IP6K2: variants seen among roughly 807,000 people sequenced by gnomAD.
The protein encoded by IP6K2 is inositol hexakisphosphate kinase 2.
Under a neutral mutation model 43.3 loss-of-function variants are expected in IP6K2, and 9 were observed. That is an observed-to-expected ratio of 0.21 (90% CI 0.13 to 0.36). The LOEUF (loss-of-function observed/expected upper bound fraction) is 0.36, where lower values mean the gene tolerates loss of function less well. Among genes scored for constraint, IP6K2 ranks in the 10% least tolerant of loss-of-function variants. The pLI, the probability that IP6K2 is intolerant of heterozygous loss-of-function variation, is 1.00. For synonymous variants in IP6K2, 209 were observed against 202.4 expected (o/e 1.03, Z -0.28); for missense variants, 332 against 538.4 (o/e 0.62, Z 3.79).
chr3:48,694,096 A>T, intron 2 of IP6K2: 1 of 1,479,634 alleles, frequency 6.8e-7, no homozygotes, highest in South Asian at 1.4e-5. Context: ...GAGAGAGATG[A>T]CACTTCTGAG....
At chr3:48,706,422 C>T (rs1341629602) in intron 1 of IP6K2, among the ~76,000 whole-genome samples, 1 of 152,084 alleles carries the variant, frequency 6.6e-6, no homozygotes, top group African/African-American at 2.4e-5. Flanking sequence ...TGAGCTTCAG[C>T]CTGCATGACT....
At chr3:48,690,427 G>A (rs758987893) in intron 4 of IP6K2, among the ~76,000 whole-genome samples, 8 of 152,160 alleles carry the variant, frequency 5.3e-5, no homozygotes, top group South Asian at 2.1e-4. Context: ...CTTGAGCCCC[G>A]GAGTTTGAGA....
At chr3:48,714,135 CA>C (rs1401573241) in intron 1 of IP6K2, among the ~76,000 whole-genome samples, 5 of 152,250 alleles carry the variant, frequency 3.3e-5, no homozygotes, top group African/African-American at 1.2e-4. Flanking sequence ...CAAAACAAAA[CA>C]AAACAAAAAA....
chr3:48,709,560 T>C (rs1298581020), intron 1 of IP6K2, among the ~76,000 whole-genome samples: 1 of 152,126 alleles, frequency 6.6e-6, no homozygotes, highest in Non-Finnish European at 1.5e-5. Context: ...CCAGTCAGGC[T>C]GGGCGCGGTG....
At chr3:48,697,231 A>G (rs1333775453) in intron 1 of IP6K2, among the ~76,000 whole-genome samples, 1 of 151,938 alleles carries the variant, frequency 6.6e-6, no homozygotes, top group African/African-American at 2.4e-5. Flanking sequence ...CATGTTAGCC[A>G]GGATGGTCTT....
rs1413429325 is a variant in IP6K2 at position 48,715,366 on chromosome 3, C to G, written c.-131+1791G>C. On this transcript the variant is annotated intron_variant, in intron 1 of 5. Transcript: ENST00000328631. ...CAGGCTCATCCCTGTTGCCTAGATACCAGTGACATCTCAGGAGCTTACAGA... is the reference window on the plus strand; with the variant it reads ...CAGGCTCATCCCTGTTGCCTAGATAGCAGTGACATCTCAGGAGCTTACAGA... 3 of 1,536,168 alleles carry G rather than the reference C, an allele frequency of 2.0e-6. No homozygotes were observed. In the Admixed American group the frequency reaches 5.9e-5, roughly 30 times the overall value.
At chr3:48,698,883 GAGCCATGACTGAGCCACTGC>G (rs1386783790) in intron 1 of IP6K2, among the ~76,000 whole-genome samples, 1 of 152,142 alleles carries the variant, frequency 6.6e-6, no homozygotes, top group Non-Finnish European at 1.5e-5. Flanking sequence ...AGGCTGCAGT[GAGCCATGACTGAGCCACTGC>G]ACTCCAGACT....
intron 1 of IP6K2, among the ~76,000 whole-genome samples, chr3:48,714,826 C>A (rs1042526456): frequency 9.0e-6 from 1 of 111,444 alleles, no homozygotes; most frequent in Admixed American, 1.2e-4. Flanking sequence ...TCAGCCTGGG[C>A]GACAGAGAGA....
rs2078292585 is a variant in IP6K2, at chr3:48,695,922, A to G, written c.-130-501T>C. ...TTTTTTTGAGATGGAGTCTCACTCT[A>G]TCGCCAGGCGGGAGTGCAGTGGCAC... On this transcript the variant is annotated intron_variant, in intron 1 of 5. Coordinates refer to ENST00000328631, the MANE Select transcript of IP6K2 (RefSeq NM_016291.4). The surrounding 1 kb of genome is among the most constrained non-coding windows in gnomAD (Gnocchi z 4.6). 6.7e-6 allele frequency among the ~76,000 whole-genome samples: 1 copy of G among 149,846 alleles called. No individual in the cohort carries two copies. The highest frequency in any genetic ancestry group is 1.5e-5 in the Non-Finnish European group (1 of 67,678).
In IP6K2 at chr3:48,694,675, A is replaced by T. The variant is rs1245235668; in HGVS notation, c.202+415T>A. On this transcript the variant is annotated intron_variant, in intron 2 of 5. Transcript: ENST00000328631. ...CCACTCCTGCATTCCATCTGACTCAACGCTGCTCCCCGGCCTACCTAATTA... is the reference window on the plus strand; with the variant it reads ...CCACTCCTGCATTCCATCTGACTCATCGCTGCTCCCCGGCCTACCTAATTA... The T allele has an allele frequency of 4.0e-6, 6 of 1,507,002 alleles. No homozygotes were observed. The Admixed American group carries it at 9.7e-5, about 24-fold the overall frequency. The allele number at this position is 1,507,002 out of a possible 1,614,324, so 93.4% of individuals were successfully genotyped here.
At chr3:48,689,785 T>A in intron 4 of IP6K2, 72 bp from the exon 5 acceptor site, 2 of 1,351,434 alleles carry the variant, frequency 1.5e-6, no homozygotes, top group Non-Finnish European at 2.1e-6. Flanking sequence ...CAAGGTACAG[T>A]GCCTTGATGC....
In IP6K2 at chr3:48,707,881, A is replaced by T. The variant is rs112442807; in HGVS notation, c.-131+9276T>A. Among the ~76,000 whole-genome samples, 4 of 152,344 alleles carry T rather than the reference A, an allele frequency of 2.6e-5. 1 individual carries two copies. The highest frequency in any genetic ancestry group is 9.6e-5 in the African/African-American group (4 of 41,580). On this transcript the variant is annotated intron_variant, in intron 1 of 5. Transcript: ENST00000328631. ...TCAGGTTTTCCATAAGGGACACAGT[A>T]GCCTCTCAGCTGCTTCTCCTTTCTA...
intron 2 of IP6K2, chr3:48,694,490 C>G (rs778836787): frequency 5.8e-6 from 9 of 1,547,372 alleles, no homozygotes; most frequent in Non-Finnish European, 1.7e-6. Flanking sequence ...CACTCCCCAA[C>G]AAAGACCCCA....
intron 2 of IP6K2, 135 bp downstream of exon 2, chr3:48,694,955 A>G (rs2078158656): frequency 6.3e-7 from 1 of 1,577,996 alleles, no homozygotes; most frequent in Non-Finnish European, 8.6e-7. Flanking sequence ...CAGGAGGAGG[A>G]GAAGGAGGAG....
intron 3 of IP6K2, 89 bp from the exon 4 acceptor site, chr3:48,691,571 T>G (rs1433833645): frequency 1.1e-6 from 1 of 945,818 alleles, no homozygotes; most frequent in Non-Finnish European, 1.6e-6. Context: ...ATCCCAGCAC[T>G]TTGGGAGGCC....
At chr3:48,692,080 G>A (rs2077850401) in intron 3 of IP6K2, among the ~76,000 whole-genome samples, 2 of 152,088 alleles carry the variant, frequency 1.3e-5, no homozygotes, top group African/African-American at 2.4e-5. Context: ...TGATCCGCCC[G>A]CCCTGGCGTC....
intron 4 of IP6K2, among the ~76,000 whole-genome samples, chr3:48,690,908 C>T (rs1198739268): frequency 6.6e-6 from 1 of 152,080 alleles, no homozygotes; most frequent in Non-Finnish European, 1.5e-5. Flanking sequence ...CAGGACTGAT[C>T]AGGTCAGTCT....
In IP6K2 at chr3:48,695,721, A is replaced by T. The variant is rs553474850; in HGVS notation, c.-130-300T>A. Reference sequence around the variant, plus strand: ...CGCAGGCAAAACTGATGCCATGGTGAGGTGAAATCACAATTTCAAGCCTAA... The same window carrying T: ...CGCAGGCAAAACTGATGCCATGGTGTGGTGAAATCACAATTTCAAGCCTAA... On this transcript the variant is annotated intron_variant, in intron 1 of 5. Transcript: ENST00000328631. The surrounding 1 kb of genome is among the most constrained non-coding windows in gnomAD (Gnocchi z 4.6). 3.4e-6 allele frequency: 1 copy of T among 292,246 alleles called. No homozygotes were observed. 18.1% of individuals were successfully genotyped at this position (292,246 alleles called of 1,614,324 possible). A position where few individuals can be genotyped will look rare whatever the true frequency, so the allele number is the denominator to read the frequency against.
intron 1 of IP6K2, among the ~76,000 whole-genome samples, chr3:48,704,620 C>T (rs1189007581): frequency 3.9e-5 from 6 of 152,034 alleles, no homozygotes; most frequent in African/African-American, 1.2e-4. Context: ...TATAGGCACA[C>T]GCCACCATAT....
Sources: gnomAD v4.1 joint callset for allele counts (sites outside exome capture counted in the v4.1 genomes callset) on GRCh38, gnomAD v4.1.1 for gene constraint, Gnocchi (gnomAD v3.1) non-coding constraint, MANE v1.5 for transcripts, NCBI Gene and HGNC (gene_info 2026-07-23, HGNC 2026-07-21) for gene names.